Variants in HROB observed in about 807,000 individuals in gnomAD.
The protein encoded by HROB is homologous recombination OB-fold protein.
In HROB, 44 loss-of-function variants were observed where a neutral mutation model predicts 61.0. The observed-to-expected ratio is 0.72, with a 90% CI of 0.57 to 0.93. The LOEUF (loss-of-function observed/expected upper bound fraction) is 0.93. Among genes scored for constraint, HROB ranks in the 40% least tolerant of loss-of-function variants. HROB has a pLI of 0.00. For missense variants in HROB, 716 were observed against 796.2 expected (o/e 0.90, Z 1.21); for synonymous variants, 301 against 310.4 (o/e 0.97, Z 0.32).
At chr17:44,155,506 T>C in intron 8 of HROB, 95 bp downstream of exon 8, 1 of 1,532,630 alleles carries the variant, frequency 6.5e-7, no homozygotes, top group Non-Finnish European at 8.8e-7. Flanking sequence ...GGAGCAGAGG[T>C]CTGAAGGGGG....
In HROB at chr17:44,148,547, G is replaced by C. The variant is rs1567714704; in HGVS notation, c.744G>C (p.Val248=). Residue 248 remains valine (V), a synonymous_variant, in exon 3 of 10, where the codon GTG becomes GTC. Coordinates refer to ENST00000585683, the MANE Select transcript of HROB (RefSeq NM_001171251.3). ...GACCCCCCTTGAGACCTGGTGCTGT[G>C]GGTCACCTTCCTGTTCCAACTGCCT... ...TPRPPLRPGA[V]GHLPVPTALT... is the part of the protein sequence containing the mutation. The C allele has an allele frequency of 6.2e-7, 1 of 1,614,020 alleles. No individual in the cohort carries two copies. The highest frequency in any genetic ancestry group is 8.5e-7 in the Non-Finnish European group (1 of 1,180,024).
At chr17:44,153,228 C>T (rs1335015121) in intron 5 of HROB, among the ~76,000 whole-genome samples, 1 of 151,514 alleles carries the variant, frequency 6.6e-6, no homozygotes, top group Non-Finnish European at 1.5e-5. Flanking sequence ...GGAAGGATCA[C>T]AAAGGTCAGG....
intron 9 of HROB, among the ~76,000 whole-genome samples, chr17:44,159,717 G>A (rs1261002910): frequency 6.6e-6 from 1 of 152,260 alleles, no homozygotes; most frequent in Admixed American, 6.5e-5. Flanking sequence ...CTGAAGCAGA[G>A]AGGGAGGACA....
At position 44,157,787 on chromosome 17, in the gene HROB, G is replaced by A. The variant is rs756111916; in HGVS notation, c.1771-46G>A. 9.5e-6 allele frequency: 14 copies of A among 1,473,796 alleles called. No homozygotes were observed. The East Asian group carries it at 3.2e-4, about 34-fold the overall frequency. 91.3% of individuals were successfully genotyped at this position (1,473,796 alleles called of 1,614,324 possible). ...TGGGTAGAGGTGGTGCCATCTGAAG[G>A]GATTTCAGGGACACAGGCATTGGTA... On this transcript the variant is annotated intron_variant, in intron 8 of 9. Transcript: ENST00000585683.
chr17:44,147,787 G>T, intron 2 of HROB, 71 bp from the exon 3 acceptor site: 1 of 1,417,232 alleles, frequency 7.1e-7, no homozygotes. Flanking sequence ...CACGCCATGT[G>T]CCTGAACAGT....
intron 2 of HROB, among the ~76,000 whole-genome samples, chr17:44,147,479 C>T (rs1212574800): frequency 1.4e-5 from 2 of 146,548 alleles, no homozygotes; most frequent in African/African-American, 5.1e-5. Flanking sequence ...CTTTGTCACC[C>T]AGGCTGGAGT....
At chr17:44,143,369 C>T (rs974498950) in intron 1 of HROB, among the ~76,000 whole-genome samples, 5 of 151,934 alleles carry the variant, frequency 3.3e-5, no homozygotes, top group South Asian at 2.1e-4. Context: ...TTAGCCTGGG[C>T]GCAGTGGCTC....
intron 8 of HROB, 71 bp downstream of exon 8, chr17:44,155,482 C>G (rs927714422): frequency 4.4e-6 from 7 of 1,583,644 alleles, no homozygotes; most frequent in Non-Finnish European, 6.0e-6. Flanking sequence ...ATTTCTTCCT[C>G]TCTTCCACCC....
intron 3 of HROB, 82 bp from the exon 4 acceptor site, chr17:44,150,879 T>C: frequency 8.4e-7 from 1 of 1,190,470 alleles, no homozygotes; most frequent in Non-Finnish European, 1.2e-6. Context: ...CCTGAACTCA[T>C]TATGTAAACC....
intron 9 of HROB, among the ~76,000 whole-genome samples, chr17:44,159,377 A>G (rs1234839035): frequency 6.6e-6 from 1 of 152,242 alleles, no homozygotes; most frequent in African/African-American, 2.4e-5. Flanking sequence ...CTGAAGGGAC[A>G]TTGTGAGAAG....
At chr17:44,152,568 G>A (rs1192638955) in intron 4 of HROB, 69 bp from the exon 5 acceptor site, 3 of 1,550,024 alleles carry the variant, frequency 1.9e-6, no homozygotes, top group African/African-American at 2.7e-5. Flanking sequence ...CTTCCACCCT[G>A]TTTCAATCAA....
chr17:44,142,279 A>C, intron 1 of HROB, 134 bp downstream of exon 1: 2 of 1,169,652 alleles, frequency 1.7e-6, no homozygotes, highest in Non-Finnish European at 2.3e-6. Flanking sequence ...CGGAGTCGGG[A>C]GACCTGGGCT....
intron 9 of HROB, among the ~76,000 whole-genome samples, chr17:44,159,740 G>GT (rs915502251): frequency 2.0e-5 from 3 of 152,226 alleles, no homozygotes; most frequent in African/African-American, 7.2e-5. Flanking sequence ...ATATGTCAGC[G>GT]TTTTTTCTGT....
In HROB at chr17:44,148,415, T is replaced by A. The variant is rs2053682490; in HGVS notation, c.612T>A (p.Asp204Glu). The change falls in exon 3 of 10, where the codon GAT (aspartate) becomes GAA (glutamate). Residue 204 changes from aspartate to glutamate, a missense_variant. Asp to Glu is a conservative substitution (Grantham distance 45). Transcript: ENST00000585683. The stretch of plus-strand genomic sequence containing the variant: ...TGGCTAAAAAAGCCCGGGTAGTTGA[T>A]CTGAGTGGATCTTGCCAGAAGGGGC... The part of the protein sequence containing the change: ...SVLAKKARVV[D>E]LSGSCQKGPV... The A allele has an allele frequency of 6.2e-7, 1 of 1,613,944 alleles. No individual in the cohort carries two copies.
intron 9 of HROB, among the ~76,000 whole-genome samples, chr17:44,159,855 T>G (rs1310336943): frequency 6.6e-6 from 1 of 152,226 alleles, no homozygotes; most frequent in Non-Finnish European, 1.5e-5. Context: ...AACATGAAAG[T>G]GGACAAGGAG....
At position 44,142,029 on chromosome 17, in the gene HROB, A is replaced by C. The variant is rs1326153376; in HGVS notation, c.-114A>C. The C allele has an allele frequency of 1.4e-6, 2 of 1,393,022 alleles. No homozygotes were observed. The highest frequency in any genetic ancestry group is 3.0e-5 in the African/African-American group (2 of 67,324). The allele number at this position is 1,393,022 out of a possible 1,614,324, so 86.3% of individuals were successfully genotyped here. A position where few individuals can be genotyped will look rare whatever the true frequency, so the allele number is the denominator to read the frequency against. The stretch of plus-strand genomic sequence containing the variant: ...CTCATCCCTCTGACCCCAGCCCGGA[A>C]GCACTGTCCCTCGGAGTCCGAGACT... On this transcript the variant is annotated 5_prime_UTR_variant, in exon 1 of 10. Transcript: ENST00000585683.
At position 44,162,318 on chromosome 17, in the gene HROB, C is replaced by T. The variant is rs369082915; in HGVS notation, c.*386C>T. 8 of 203,376 alleles carry T rather than the reference C, an allele frequency of 3.9e-5. No individual in the cohort carries two copies. Among genetic ancestry groups the T allele is most frequent in the South Asian group, 1.7e-4 (2 of 11,598 alleles). 12.6% of individuals were successfully genotyped at this position (203,376 alleles called of 1,614,324 possible). A position where few individuals can be genotyped will look rare whatever the true frequency, so the allele number is the denominator to read the frequency against. ...GAAAGGAGCCACACCACAACAATGG[C>T]GGCCTGCCCCTCCACACAGGGGAGA... On this transcript the variant is annotated 3_prime_UTR_variant, in exon 10 of 10. Coordinates refer to ENST00000585683, the MANE Select transcript of HROB (RefSeq NM_001171251.3).
intron 9 of HROB, among the ~76,000 whole-genome samples, chr17:44,158,936 C>A (rs973235366): frequency 6.6e-6 from 1 of 152,040 alleles, no homozygotes; most frequent in Admixed American, 6.6e-5. Context: ...CGTGAGCCAC[C>A]GCGCCCGGCC....
Position 44,155,011 on chromosome 17 carries a change from C to G in HROB, c.1644+73C>G, listed in dbSNP as rs557839903. The G allele has an allele frequency of 9.9e-6, 15 of 1,518,844 alleles. No individual in the cohort carries two copies. In the South Asian group the frequency reaches 1.7e-4, roughly 17 times the overall value. 94.1% of individuals were successfully genotyped at this position (1,518,844 alleles called of 1,614,324 possible). A position where few individuals can be genotyped will look rare whatever the true frequency, so the allele number is the denominator to read the frequency against. On this transcript the variant is annotated intron_variant, in intron 7 of 9. Coordinates refer to ENST00000585683, the MANE Select transcript of HROB (RefSeq NM_001171251.3). The stretch of plus-strand genomic sequence containing the variant: ...AGTGTCTGTCTCCTTACCTGTTTGG[C>G]TGCCTTCCTCTACAACACCAGGCAC...
Sources: gnomAD v4.1 joint callset for allele counts (sites outside exome capture counted in the v4.1 genomes callset) on GRCh38, gnomAD v4.1.1 for gene constraint, MANE v1.5 for transcripts, NCBI Gene and HGNC (gene_info 2026-07-23, HGNC 2026-07-21) for gene names.